The following MTA3 variants were observed in gnomAD, a reference collection of about 807,000 sequenced individuals.
MTA3 encodes the protein metastasis-associated protein MTA3.
MTA3 carries 34 observed loss-of-function variants against 83.5 expected under a neutral mutation model. The ratio of observed to expected loss-of-function variants is 0.41; its 90% CI spans 0.31 to 0.54. The LOEUF is 0.54. Among genes scored for constraint, MTA3 ranks in the 20% least tolerant of loss-of-function variants. MTA3 has a pLI of 0.33. For missense variants in MTA3, 761 were observed against 726.4 expected (o/e 1.05, Z -0.55); for synonymous variants, 303 against 252.7 (o/e 1.20, Z -1.89).
intron 3 of MTA3, among the ~76,000 whole-genome samples, chr2:42,609,250 C>CA (rs775782338): frequency 3.2e-4 from 49 of 152,130 alleles, no homozygotes; most frequent in Non-Finnish European, 5.6e-4. Flanking sequence ...AGGCTGGTCT[C>CA]AAACACCTGA....
chr2:42,542,118 A>G (rs1676544895), intron 2 of MTA3, among the ~76,000 whole-genome samples: 1 of 152,308 alleles, frequency 6.6e-6, no homozygotes, highest in South Asian at 2.1e-4. Flanking sequence ...CTCTATGCCT[A>G]GATCAAGTAT....
chr2:42,740,916 C>A (rs1668983006), intron 16 of MTA3, among the ~76,000 whole-genome samples: 4 of 152,224 alleles, frequency 2.6e-5, no homozygotes. Context: ...TCAGCCTGTC[C>A]TTTGAAGCTT....
intron 4 of MTA3, among the ~76,000 whole-genome samples, chr2:42,635,720 T>G (rs1308150030): frequency 6.6e-6 from 1 of 152,198 alleles, no homozygotes; most frequent in African/African-American, 2.4e-5. Flanking sequence ...TAATACTGTT[T>G]GTTGAACAAG....
intron 16 of MTA3, among the ~76,000 whole-genome samples, chr2:42,736,936 G>A (rs549467394): frequency 1.8e-4 from 28 of 152,336 alleles, no homozygotes; most frequent in African/African-American, 6.3e-4. Flanking sequence ...GTTAGGGCCT[G>A]GAATGGGGGC....
At chr2:42,711,783 A>AGAGTGTGTGTGTGT (rs1553393294) in intron 14 of MTA3, among the ~76,000 whole-genome samples, 12 of 147,744 alleles carry the variant, frequency 8.1e-5, no homozygotes, top group African/African-American at 2.3e-4. Context: ...AGAGAGAGAG[A>AGAGTGTGTGTGTGT]GTGTGTGTGT....
At chr2:42,659,476 C>T (rs1689468924) in intron 7 of MTA3, 1 of 166,712 alleles carries the variant, frequency 6.0e-6, no homozygotes. Context: ...TACTCCATGA[C>T]ATGTTATAAC....
At chr2:42,582,869 AT>A (rs752055265) in intron 3 of MTA3, among the ~76,000 whole-genome samples, 3 of 152,040 alleles carry the variant, frequency 2.0e-5, no homozygotes, top group African/African-American at 7.2e-5. Context: ...GCCATCATGC[AT>A]TTTTTCTTTC....
chr2:42,702,324 C>T (rs1411779897), intron 11 of MTA3: 1 of 152,240 alleles, frequency 6.6e-6, no homozygotes, highest in South Asian at 2.1e-4. Flanking sequence ...GTAGAGATCT[C>T]AGTGCACACA....
chr2:42,657,812 G>A (rs1689304633), intron 7 of MTA3, among the ~76,000 whole-genome samples: 2 of 148,748 alleles, frequency 1.3e-5, no homozygotes, highest in African/African-American at 5.0e-5. Flanking sequence ...CACGCCGCCT[G>A]TAATCCCAGT....
At chr2:42,519,392 G>A (rs1215486908) in intron 2 of MTA3, among the ~76,000 whole-genome samples, 1 of 152,060 alleles carries the variant, frequency 6.6e-6, no homozygotes, top group Admixed American at 6.6e-5. Flanking sequence ...GATCACCTGA[G>A]GTCAGGAGTT....
intron 2 of MTA3, among the ~76,000 whole-genome samples, chr2:42,501,851 G>A (rs1674411200): frequency 6.6e-6 from 1 of 152,106 alleles, no homozygotes; most frequent in Non-Finnish European, 1.5e-5. Context: ...GGTGGCGCAT[G>A]CTTGTAATCC....
chr2:42,710,549 C>CAAAAAAAAAAAA, intron 14 of MTA3, among the ~76,000 whole-genome samples: 2 of 61,068 alleles, frequency 3.3e-5, no homozygotes, highest in Non-Finnish European at 6.0e-5. Flanking sequence ...AACTTCATCT[C>CAAAAAAAAAAAA]AAAAAAAAAA....
At chr2:42,681,381 T>C (rs956498483) in intron 8 of MTA3, among the ~76,000 whole-genome samples, 12 of 152,260 alleles carry the variant, frequency 7.9e-5, no homozygotes, top group African/African-American at 2.9e-4. Flanking sequence ...TCTTAGTACA[T>C]GATTCCTCAA....
chr2:42,650,514 A>G (rs138692786), intron 6 of MTA3, among the ~76,000 whole-genome samples: 14 of 152,008 alleles, frequency 9.2e-5, no homozygotes, highest in Non-Finnish European at 1.3e-4. Flanking sequence ...ATCTCGGTTC[A>G]CTGCAAGCTC....
chr2:42,739,871 T>G (rs1454831435), intron 16 of MTA3, among the ~76,000 whole-genome samples: 7 of 152,250 alleles, frequency 4.6e-5, no homozygotes, highest in African/African-American at 1.7e-4. Context: ...ACTACTCATC[T>G]GTTCAAGTTT....
At chr2:42,678,804 A>G (rs909047794) in intron 8 of MTA3, among the ~76,000 whole-genome samples, 3 of 152,224 alleles carry the variant, frequency 2.0e-5, no homozygotes, top group African/African-American at 4.8e-5. Flanking sequence ...ATACATATAC[A>G]TACATATTAA....
chr2:42,642,811 A>C, intron 5 of MTA3, among the ~76,000 whole-genome samples: 1 of 150,022 alleles, frequency 6.7e-6, no homozygotes, highest in Non-Finnish European at 1.5e-5. Flanking sequence ...CACCCGGCTG[A>C]TTTTTCTATT....
chr2:42,526,016 C>A (rs1370778735), intron 2 of MTA3, among the ~76,000 whole-genome samples: 1 of 152,084 alleles, frequency 6.6e-6, no homozygotes, highest in Non-Finnish European at 1.5e-5. Context: ...CTCGTTAATG[C>A]CTTCCTTGGA....
intron 2 of MTA3, among the ~76,000 whole-genome samples, chr2:42,559,285 TGAGGTCAGGA>T (rs1408732937): frequency 6.6e-6 from 1 of 151,770 alleles, no homozygotes. Flanking sequence ...GTGGATCACA[TGAGGTCAGGA>T]GTTGGAGACC....
Sources: allele counts gnomAD v4.1 joint callset (sites outside exome capture counted in the v4.1 genomes callset), GRCh38; gene constraint gnomAD v4.1.1; transcripts MANE v1.5; gene names NCBI Gene and HGNC (gene_info 2026-07-23, HGNC 2026-07-21).